Variants in FRMD5 observed in about 807,000 individuals in gnomAD.
FRMD5 encodes the protein FERM domain-containing protein 5.
In FRMD5, 20 loss-of-function variants were observed where a neutral mutation model predicts 69.0. The observed-to-expected ratio is 0.29, with a 90% CI of 0.20 to 0.42. The LOEUF is 0.42. FRMD5 is among the 10% of genes least tolerant of loss of function. The pLI is 1.00. For missense variants in FRMD5, 595 were observed against 708.6 expected (o/e 0.84, Z 1.82); for synonymous variants, 271 against 260.1 (o/e 1.04, Z -0.40).
At chr15:43,953,299 A>T (rs1181970344) in intron 1 of FRMD5, among the ~76,000 whole-genome samples, 2 of 152,210 alleles carry the variant, frequency 1.3e-5, no homozygotes, top group Admixed American at 6.5e-5. Flanking sequence ...GGACAGGACC[A>T]TTGCATCACA....
At chr15:44,175,792 A>C (rs1200324869) in intron 1 of FRMD5, among the ~76,000 whole-genome samples, 1 of 152,226 alleles carries the variant, frequency 6.6e-6, no homozygotes, top group African/African-American at 2.4e-5. Context: ...AAATGAAAAA[A>C]ACTGCTAATA....
intron 1 of FRMD5, among the ~76,000 whole-genome samples, chr15:44,021,176 C>T (rs1177927304): frequency 6.6e-6 from 1 of 152,070 alleles, no homozygotes; most frequent in African/African-American, 2.4e-5. Flanking sequence ...GTCCCATCTA[C>T]TCGGGAGGCT....
chr15:43,880,249 G>A (rs2088486124), intron 13 of FRMD5, among the ~76,000 whole-genome samples: 1 of 152,174 alleles, frequency 6.6e-6, no homozygotes. Flanking sequence ...GGGCCAAATG[G>A]ACTATAGAAA....
At chr15:43,973,722 G>C (rs1485039048) in intron 1 of FRMD5, among the ~76,000 whole-genome samples, 1 of 151,958 alleles carries the variant, frequency 6.6e-6, no homozygotes, top group African/African-American at 2.4e-5. Context: ...CAAATATACT[G>C]CAGCATTATA....
At chr15:43,966,294 C>G (rs1595568472) in intron 1 of FRMD5, among the ~76,000 whole-genome samples, 1 of 152,044 alleles carries the variant, frequency 6.6e-6, no homozygotes, top group Non-Finnish European at 1.5e-5. Flanking sequence ...ATCACTTGAA[C>G]CCAGGAGGCG....
At chr15:44,190,822 T>C (rs2078180473) in intron 1 of FRMD5, among the ~76,000 whole-genome samples, 1 of 152,244 alleles carries the variant, frequency 6.6e-6, no homozygotes, top group South Asian at 2.1e-4. Flanking sequence ...CAAATATTTA[T>C]TGAATTAAAA....
chr15:43,969,435 A>G (rs974071310), intron 1 of FRMD5, among the ~76,000 whole-genome samples: 62 of 152,208 alleles, frequency 4.1e-4, no homozygotes, highest in African/African-American at 1.4e-3. Context: ...ACATTCATTC[A>G]TTCATTCGGT....
chr15:44,162,090 G>A (rs935537416), intron 1 of FRMD5, among the ~76,000 whole-genome samples: 8 of 151,984 alleles, frequency 5.3e-5, no homozygotes, highest in Admixed American at 5.2e-4. Context: ...TCAGCCTCCT[G>A]AGAAGCTGGG....
intron 1 of FRMD5, among the ~76,000 whole-genome samples, chr15:44,074,909 G>C (rs141210051): frequency 0.012 from 1,835 of 152,274 alleles, 30 homozygotes; most frequent in South Asian, 0.021. Context: ...CTGCATTTCA[G>C]AGGTCTAGTA....
rs141303103 is a variant in FRMD5 at position 44,153,563 on chromosome 15, A to T, written c.102+41390T>A. Among the ~76,000 whole-genome samples the T allele has an allele frequency of 3.9e-3, 600 of 152,342 alleles. 5 individuals carry two copies. The highest frequency in any genetic ancestry group is 0.013 in the African/African-American group (561 of 41,586). Reference sequence around the variant, plus strand: ...TGAGGGGATAGGGAAATGGGAAGTTATTGTTTAAAGGGTATAGAGTTTCAG... The same window carrying T: ...TGAGGGGATAGGGAAATGGGAAGTTTTTGTTTAAAGGGTATAGAGTTTCAG... On this transcript the variant is annotated intron_variant, in intron 1 of 13. Coordinates refer to ENST00000417257, the MANE Select transcript of FRMD5 (RefSeq NM_032892.5).
intron 2 of FRMD5, among the ~76,000 whole-genome samples, chr15:43,922,050 C>A (rs1372968150): frequency 1.3e-5 from 2 of 152,210 alleles, no homozygotes; most frequent in Non-Finnish European, 2.9e-5. Flanking sequence ...AAGGACAACT[C>A]TCTACAGGTC....
intron 1 of FRMD5, among the ~76,000 whole-genome samples, chr15:44,058,657 G>A (rs1892967664): frequency 6.6e-6 from 1 of 151,918 alleles, no homozygotes; most frequent in African/African-American, 2.4e-5. Context: ...GTGGTGGCGG[G>A]TGCCTGTAGT....
chr15:43,999,704 C>T (rs1242136031), intron 1 of FRMD5, among the ~76,000 whole-genome samples: 1 of 151,912 alleles, frequency 6.6e-6, no homozygotes, highest in African/African-American at 2.4e-5. Context: ...ACTTATTTCA[C>T]TCAGAATAAT....
Position 44,002,606 on chromosome 15 carries a change from G to T in FRMD5, c.103-78297C>A, listed in dbSNP as rs139111430. Reference sequence around the variant, plus strand: ...GGCTCATGATCAATTGAGCAAGCAGGGGGTATGTGACTGGGGGCTGCATGC... The same window carrying T: ...GGCTCATGATCAATTGAGCAAGCAGTGGGTATGTGACTGGGGGCTGCATGC... On this transcript the variant is annotated intron_variant, in intron 1 of 13. Coordinates refer to ENST00000417257, the MANE Select transcript of FRMD5 (RefSeq NM_032892.5). 1.8e-4 allele frequency among the ~76,000 whole-genome samples: 27 copies of T among 152,186 alleles called. No homozygotes were observed. In the East Asian group the frequency reaches 3.7e-3, roughly 21 times the overall value.
intron 1 of FRMD5, among the ~76,000 whole-genome samples, chr15:44,163,657 C>T (rs954032591): frequency 6.6e-6 from 1 of 152,166 alleles, no homozygotes; most frequent in African/African-American, 2.4e-5. Flanking sequence ...ATTTGATAAT[C>T]GAGTTGCTAA....
At chr15:44,151,117 A>G (rs2077439160) in intron 1 of FRMD5, among the ~76,000 whole-genome samples, 1 of 150,672 alleles carries the variant, frequency 6.6e-6, no homozygotes, top group African/African-American at 2.4e-5. Flanking sequence ...ACAAAAAAGG[A>G]CCGGGCGTGG....
At chr15:43,958,411 G>C (rs2090147095) in intron 1 of FRMD5, among the ~76,000 whole-genome samples, 2 of 152,130 alleles carry the variant, frequency 1.3e-5, no homozygotes, top group South Asian at 4.1e-4. Flanking sequence ...AGCCTCTGAA[G>C]TAAATTTTTG....
At chr15:44,116,188 T>A (rs1015743953) in intron 1 of FRMD5, among the ~76,000 whole-genome samples, 11 of 149,952 alleles carry the variant, frequency 7.3e-5, no homozygotes, top group African/African-American at 2.2e-4. Context: ...ACTATATATA[T>A]TTTATATACA....
chr15:43,897,970 A>T (rs2088955317), intron 7 of FRMD5, among the ~76,000 whole-genome samples: 1 of 152,058 alleles, frequency 6.6e-6, no homozygotes, highest in Non-Finnish European at 1.5e-5. Context: ...CCCTTCCGCT[A>T]TGATTGTAAG....
Sources: gnomAD v4.1 joint callset for allele counts (sites outside exome capture counted in the v4.1 genomes callset) on GRCh38, gnomAD v4.1.1 for gene constraint, MANE v1.5 for transcripts, NCBI Gene and HGNC (gene_info 2026-07-23, HGNC 2026-07-21) for gene names.